COL23A1: variants seen among roughly 807,000 people sequenced by gnomAD.
COL23A1 encodes the protein collagen alpha-1(XXIII) chain.
A neutral mutation model predicts 99.3 loss-of-function variants in COL23A1; 97 were observed. The observed-to-expected ratio is 0.98, with a 90% CI of 0.83 to 1.16. COL23A1 has a LOEUF of 1.16. Ranked by LOEUF, COL23A1 falls within the 50% of genes most tolerant of loss-of-function variation. The pLI, the probability that COL23A1 is intolerant of heterozygous loss-of-function variation, is 0.00. For synonymous variants in COL23A1, 320 were observed against 308.2 expected (o/e 1.04, Z -0.40); for missense variants, 762 against 757.4 (o/e 1.01, Z -0.07).
At chr5:178,343,664 T>TAATGGAAAAA (rs141882396) in intron 2 of COL23A1, among the ~76,000 whole-genome samples, 10 of 128,810 alleles carry the variant, frequency 7.8e-5, no homozygotes, top group Middle Eastern at 3.5e-3. Flanking sequence ...TATATATATA[T>TAATGGAAAAA]TTTTTTTTTT....
intron 1 of COL23A1, among the ~76,000 whole-genome samples, chr5:178,565,750 T>C (rs1762811231): frequency 6.6e-6 from 1 of 152,080 alleles, no homozygotes; most frequent in East Asian, 1.9e-4. Context: ...TAAATCCTGG[T>C]AGCAACTGAC....
intron 2 of COL23A1, among the ~76,000 whole-genome samples, chr5:178,390,255 A>G (rs145637729): frequency 6.6e-6 from 1 of 152,364 alleles, no homozygotes; most frequent in East Asian, 1.9e-4. Flanking sequence ...GCTAACTTGC[A>G]GGAAGAACAG....
At chr5:178,479,778 C>T (rs183547453) in intron 2 of COL23A1, among the ~76,000 whole-genome samples, 7 of 152,282 alleles carry the variant, frequency 4.6e-5, no homozygotes, top group Non-Finnish European at 8.8e-5. Flanking sequence ...TATAAGGCGT[C>T]CGAATTTGCT....
intron 2 of COL23A1, among the ~76,000 whole-genome samples, chr5:178,436,074 A>G (rs1160191872): frequency 6.6e-6 from 1 of 152,186 alleles, no homozygotes; most frequent in African/African-American, 2.4e-5. Context: ...AGCTGGTGAC[A>G]TTTTAACTGA....
chr5:178,459,789 G>A (rs886497282), intron 2 of COL23A1, among the ~76,000 whole-genome samples: 8 of 152,162 alleles, frequency 5.3e-5, no homozygotes, highest in African/African-American at 1.7e-4. Context: ...AGGGTTAGAA[G>A]ACATTTCAAA....
At chr5:178,563,895 G>C (rs1762727140) in intron 1 of COL23A1, among the ~76,000 whole-genome samples, 1 of 152,180 alleles carries the variant, frequency 6.6e-6, no homozygotes, top group African/African-American at 2.4e-5. Context: ...CGTACTTGGA[G>C]AAGAAACCCA....
rs141413163 is a variant in COL23A1, at chr5:178,576,295, G to GT, written c.294+13608dup. ...TCTTGTCGCCCCAGGCTGGAGTCCA[G>GT]TGGCATGATGTTAGCTCACTGCAAC... On this transcript the variant is annotated intron_variant, in intron 1 of 28. Transcript: ENST00000390654. 9.6e-3 allele frequency among the ~76,000 whole-genome samples: 1,456 copies of GT among 152,218 alleles called. 31 individuals carry two copies. The highest frequency in any genetic ancestry group is 0.033 in the African/African-American group (1,378 of 41,542).
intron 2 of COL23A1, among the ~76,000 whole-genome samples, chr5:178,332,170 T>C (rs974415470): frequency 2.0e-5 from 3 of 152,204 alleles, no homozygotes; most frequent in African/African-American, 7.2e-5. Context: ...TACCTCCCTT[T>C]CCAGAGCTTG....
chr5:178,528,050 G>A (rs189514685), intron 2 of COL23A1, among the ~76,000 whole-genome samples: 8 of 152,252 alleles, frequency 5.3e-5, no homozygotes, highest in East Asian at 1.9e-4. Context: ...GGCAAATACC[G>A]GGGCTTTTGG....
chr5:178,549,913 A>T (rs1188078865), intron 2 of COL23A1, among the ~76,000 whole-genome samples: 1 of 152,230 alleles, frequency 6.6e-6, no homozygotes, highest in Non-Finnish European at 1.5e-5. Context: ...GATGAAACGG[A>T]CATCAGTATT....
intron 2 of COL23A1, among the ~76,000 whole-genome samples, chr5:178,469,596 T>C (rs2672837): frequency 0.79 from 120,230 of 151,790 alleles, 48,998 homozygotes; most frequent in Non-Finnish European, 0.9. Context: ...TCGGGGGAGC[T>C]GGGCTCCCCC....
chr5:178,498,427 T>G (rs1208958014), intron 2 of COL23A1, among the ~76,000 whole-genome samples: 1 of 151,598 alleles, frequency 6.6e-6, no homozygotes, highest in African/African-American at 2.4e-5. Context: ...CAGCCTAAAA[T>G]TATGTGTCCA....
chr5:178,246,014 T>A lies in COL23A1; in HGVS notation c.1414-46A>T, dbSNP rs1764673389. The A allele has an allele frequency of 2.5e-6, 4 of 1,609,098 alleles. No homozygotes were observed. The African/African-American group carries it at 5.4e-5, about 22-fold the overall frequency. ...GGTGAGAGGGGTTGGGGAGGGGTGC[T>A]GGGAGCACAGCTGCTGGGAAGTCCA... On this transcript the variant is annotated intron_variant, in intron 24 of 28. Coordinates refer to ENST00000390654, the MANE Select transcript of COL23A1 (RefSeq NM_173465.4).
At chr5:178,498,173 C>T (rs1284963346) in intron 2 of COL23A1, among the ~76,000 whole-genome samples, 4 of 128,704 alleles carry the variant, frequency 3.1e-5, no homozygotes, top group African/African-American at 1.1e-4. Flanking sequence ...CGAGACCAGC[C>T]TGGCAACATG....
chr5:178,281,343 T>C lies in COL23A1; in HGVS notation c.441+6981A>G, dbSNP rs995363784. ...GGGCCTTTCTTGTTCACTTGATTAATTCCAAACCGTCCATCCGAGTCCTTC... is the reference window on the plus strand; with the variant it reads ...GGGCCTTTCTTGTTCACTTGATTAACTCCAAACCGTCCATCCGAGTCCTTC... On this transcript the variant is annotated intron_variant, in intron 5 of 28. Coordinates refer to ENST00000390654, the MANE Select transcript of COL23A1 (RefSeq NM_173465.4). This position sits in a 1 kb window ranked among gnomAD's most constrained non-coding sequence, Gnocchi z 4.0. Among the ~76,000 whole-genome samples, 5 of 152,208 alleles carry C rather than the reference T, an allele frequency of 3.3e-5. No homozygotes were observed. The highest frequency in any genetic ancestry group is 4.8e-5 in the African/African-American group (2 of 41,454).
intron 2 of COL23A1, among the ~76,000 whole-genome samples, chr5:178,320,837 C>CACA (rs1759256469): frequency 6.6e-6 from 1 of 152,212 alleles, no homozygotes; most frequent in Non-Finnish European, 1.5e-5. Context: ...CCTCTAAAGC[C>CACA]ACAGCTCTCC....
intron 2 of COL23A1, among the ~76,000 whole-genome samples, chr5:178,424,218 C>T (rs759929682): frequency 6.6e-6 from 1 of 152,246 alleles, no homozygotes; most frequent in Non-Finnish European, 1.5e-5. Flanking sequence ...TTCACACTGC[C>T]TTGCCCTGCA....
chr5:178,578,785 CGCCGTGTT>C (rs1456123364), intron 1 of COL23A1, among the ~76,000 whole-genome samples: 3 of 150,496 alleles, frequency 2.0e-5, no homozygotes, highest in African/African-American at 7.3e-5. Context: ...ACGAGCATTT[CGCCGTGTT>C]GCCGCCATAC....
At chr5:178,242,618 T>C (rs1359062370) in intron 25 of COL23A1, among the ~76,000 whole-genome samples, 1 of 152,198 alleles carries the variant, frequency 6.6e-6, no homozygotes, top group Non-Finnish European at 1.5e-5. Flanking sequence ...TCCAAAGTAG[T>C]CGCTGGACAC....
Sources: allele counts gnomAD v4.1 joint callset (sites outside exome capture counted in the v4.1 genomes callset), GRCh38; gene constraint gnomAD v4.1.1; non-coding constraint Gnocchi (gnomAD v3.1); transcripts MANE v1.5; gene names NCBI Gene and HGNC (gene_info 2026-07-23, HGNC 2026-07-21).